PDILT: variants seen among roughly 807,000 people sequenced by gnomAD.
PDILT encodes protein disulfide-isomerase-like protein of the testis.
Under a neutral mutation model 53.7 loss-of-function variants are expected in PDILT, and 43 were observed. That is an observed-to-expected ratio of 0.80 (90% CI 0.63 to 1.03). The LOEUF is 1.03. Among genes scored for constraint, PDILT ranks in the 50% least tolerant of loss-of-function variants. The probability of loss-of-function intolerance (pLI) is 0.00; values close to 1 mark genes in which losing one functional copy is unlikely to be tolerated. For synonymous variants in PDILT, 282 were observed against 274.2 expected, an observed-to-expected ratio of 1.03 and a Z score of -0.28; for missense variants, 727 against 712.3, an observed-to-expected ratio of 1.02 and a Z score of -0.24.
At chr16:20,391,145 G>A (rs944270464) in intron 2 of PDILT, 8 of 154,986 alleles carry the variant, frequency 5.2e-5, no homozygotes, top group South Asian at 3.7e-4. Context: ...CACCATCATC[G>A]CCATTGTCAT....
chr16:20,400,414 CTTT>C (rs11343462), intron 1 of PDILT, among the ~76,000 whole-genome samples: 1,771 of 130,070 alleles, frequency 0.014, 34 homozygotes, highest in African/African-American at 0.048. Context: ...TCAGATGATA[CTTT>C]TTTTTTTTTT....
intron 5 of PDILT, among the ~76,000 whole-genome samples, chr16:20,374,348 T>C (rs1200497477): frequency 6.6e-6 from 1 of 152,060 alleles, no homozygotes; most frequent in East Asian, 1.9e-4. Context: ...CTGGCTTGTT[T>C]AACTGGATGG....
intron 7 of PDILT, among the ~76,000 whole-genome samples, chr16:20,371,844 C>A (rs971015285): frequency 4.0e-5 from 6 of 151,700 alleles, no homozygotes; most frequent in African/African-American, 1.5e-4. Flanking sequence ...AAAAAAAGAC[C>A]CCCAAGACAT....
At position 20,376,701 on chromosome 16, in the gene PDILT, C is replaced by G. The variant is rs142371841; in HGVS notation, c.410-500G>C. Among the ~76,000 whole-genome samples the G allele has an allele frequency of 4.1e-3, 628 of 152,318 alleles. 1 individual carries two copies. The highest frequency in any genetic ancestry group is 7.5e-3 in the South Asian group (36 of 4,822). On this transcript the variant is annotated intron_variant, in intron 3 of 11. Transcript: ENST00000302451. ...AACCTTGGGAAAATCCTATTATCTT[C>G]CTGCAGCCCCCATTCCTCAGCTGAG... is the stretch of plus-strand genomic sequence containing the variant.
At chr16:20,382,608 C>G (rs953527610) in intron 3 of PDILT, among the ~76,000 whole-genome samples, 6 of 152,168 alleles carry the variant, frequency 3.9e-5, no homozygotes, top group African/African-American at 1.4e-4. Context: ...GTAAAAGCAC[C>G]TCTTATATTG....
chr16:20,396,201 C>T lies in PDILT; in HGVS notation c.202+2898G>A, dbSNP rs573136274. The stretch of plus-strand genomic sequence containing the variant: ...ATGACTATACCACTTTCAATATTCT[C>T]GCTTTACAGGTGAAAGTGAGACAAC... On this transcript the variant is annotated intron_variant, in intron 2 of 11. Transcript: ENST00000302451. Among the ~76,000 whole-genome samples the T allele has an allele frequency of 9.9e-5, 15 of 152,276 alleles. No homozygotes were observed. In the East Asian group the frequency reaches 2.1e-3, roughly 22 times the overall value.
At chr16:20,385,046 G>T (rs1966516665) in intron 2 of PDILT, among the ~76,000 whole-genome samples, 195 bp from the exon 3 acceptor site, 1 of 152,180 alleles carries the variant, frequency 6.6e-6, no homozygotes, top group Admixed American at 6.5e-5. Context: ...TGTCTATCAA[G>T]GTTCTTTGGA....
At chr16:20,379,971 T>C (rs1966440829) in intron 3 of PDILT, among the ~76,000 whole-genome samples, 1 of 152,234 alleles carries the variant, frequency 6.6e-6, no homozygotes, top group Non-Finnish European at 1.5e-5. Context: ...AAACAAATGG[T>C]TTCTCTTATA....
At chr16:20,392,443 C>T (rs771124273) in intron 2 of PDILT, among the ~76,000 whole-genome samples, 19 of 152,132 alleles carry the variant, frequency 1.2e-4, no homozygotes, top group Non-Finnish European at 2.4e-4. Context: ...AGCTGGTCAC[C>T]CATTAAGGAT....
chr16:20,369,670 T>A lies in PDILT; in HGVS notation c.938A>T (p.Asp313Val). The change falls in exon 8 of 12, where the codon GAT becomes GTT. Residue 313 changes from aspartate to valine, a missense_variant. Transcript: ENST00000302451. The stretch of plus-strand genomic sequence containing the variant: ...ACGTCCATTTCTGGGTTCGTCTGCA[T>A]CCACAAGGATGAAAAGGATCTGCCA... ...FQNKILFILV[D>V]ADEPRNGRVF... The A allele has an allele frequency of 1.2e-6, 2 of 1,614,178 alleles. No individual in the cohort carries two copies. The highest frequency in any genetic ancestry group is 2.2e-5 in the South Asian group (2 of 91,072).
chr16:20,375,029 C>T lies in PDILT; in HGVS notation c.544-70G>A, dbSNP rs113905574. On this transcript the variant is annotated intron_variant, in intron 4 of 11. Coordinates refer to ENST00000302451, the MANE Select transcript of PDILT (RefSeq NM_174924.2). Reference sequence around the variant, plus strand: ...GTGCCTGGTTTATATAAGGGAAAGACGGCAGTGGTGGCTGATTCGTCTCTT... The same window carrying T: ...GTGCCTGGTTTATATAAGGGAAAGATGGCAGTGGTGGCTGATTCGTCTCTT... The T allele has an allele frequency of 2.2e-4, 327 of 1,484,210 alleles. 2 individuals carry two copies. The African/African-American group carries it at 3.7e-3, about 17-fold the overall frequency. 91.9% of individuals were successfully genotyped at this position (1,484,210 alleles called of 1,614,324 possible). A position where few individuals can be genotyped will look rare whatever the true frequency, so the allele number is the denominator to read the frequency against.
intron 8 of PDILT, among the ~76,000 whole-genome samples, chr16:20,367,355 C>T (rs1966227981): frequency 6.6e-6 from 1 of 152,130 alleles, no homozygotes; most frequent in Non-Finnish European, 1.5e-5. Flanking sequence ...TCTTCTTCCA[C>T]AGTGTCCTCC....
At chr16:20,388,282 T>C (rs966572033) in intron 2 of PDILT, among the ~76,000 whole-genome samples, 1 of 152,186 alleles carries the variant, frequency 6.6e-6, no homozygotes, top group Non-Finnish European at 1.5e-5. Context: ...TAGTGTTCCA[T>C]GCATTACCCT....
intron 4 of PDILT, 44 bp downstream of exon 4, chr16:20,376,024 T>A (rs1966380638): frequency 6.2e-7 from 1 of 1,610,952 alleles, no homozygotes; most frequent in South Asian, 1.1e-5. Context: ...GACACAGCAC[T>A]TCTCATCAGT....
chr16:20,400,364 T>C (rs1966722276), intron 1 of PDILT, among the ~76,000 whole-genome samples: 1 of 151,618 alleles, frequency 6.6e-6, no homozygotes, highest in South Asian at 2.1e-4. Flanking sequence ...CATTATCCAC[T>C]GCACCCAGCC....
At chr16:20,360,738 G>A (rs1966088586) in intron 10 of PDILT, 81 bp from the exon 11 acceptor site, 1 of 1,048,614 alleles carries the variant, frequency 9.5e-7, no homozygotes, top group Non-Finnish European at 1.5e-6. Flanking sequence ...GGTAAACCCA[G>A]GGTCAAATTC....
At chr16:20,403,238 T>A (rs1966766758) in intron 1 of PDILT, among the ~76,000 whole-genome samples, 1 of 152,194 alleles carries the variant, frequency 6.6e-6, no homozygotes, top group South Asian at 2.1e-4. Flanking sequence ...CTTCTACTCT[T>A]TGTGCTTCAC....
At chr16:20,403,159 C>A (rs1180562529) in intron 1 of PDILT, among the ~76,000 whole-genome samples, 4 of 152,192 alleles carry the variant, frequency 2.6e-5, no homozygotes, top group Non-Finnish European at 5.9e-5. Context: ...CGTGGAGAGA[C>A]CCCATGTCCC....
intron 2 of PDILT, chr16:20,388,665 C>A (rs1359946452): frequency 6.6e-6 from 1 of 152,182 alleles, no homozygotes; most frequent in Admixed American, 6.5e-5. Context: ...GTAATCCCAG[C>A]ACTTTGGGAA....
Sources: gnomAD v4.1 joint callset for allele counts (sites outside exome capture counted in the v4.1 genomes callset) on GRCh38, gnomAD v4.1.1 for gene constraint, MANE v1.5 for transcripts, NCBI Gene and HGNC (gene_info 2026-07-23, HGNC 2026-07-21) for gene names.